The following ZC3H12B variants were observed in gnomAD, a reference collection of about 807,000 sequenced individuals.
The protein encoded by ZC3H12B is probable ribonuclease ZC3H12B.
A neutral mutation model predicts 43.9 loss-of-function variants in ZC3H12B; 7 were observed. The observed-to-expected ratio is 0.16, with a 90% CI of 0.09 to 0.30. The LOEUF (loss-of-function observed/expected upper bound fraction) is 0.30. Ranked by LOEUF, ZC3H12B falls within the 10% of genes least tolerant of loss-of-function variation. The pLI, the probability that ZC3H12B is intolerant of heterozygous loss-of-function variation, is 1.00. For missense variants in ZC3H12B, 475 were observed against 670.2 expected, an observed-to-expected ratio of 0.71 and a Z score of 3.22; for synonymous variants, 222 against 241.7, an observed-to-expected ratio of 0.92 and a Z score of 0.76.
the ZC3H12B span, among the ~76,000 whole-genome samples, chrX:65,040,491 GA>G: frequency 1.2e-3 from 131 of 109,683 alleles, no homozygotes; most frequent in African/African-American, 4.2e-3. Flanking sequence ...AGGGGTATGA[GA>G]AAAATGAGTC....
At chrX:65,228,156 C>T in the ZC3H12B span, among the ~76,000 whole-genome samples, 1 of 111,765 alleles carries the variant, frequency 8.9e-6, no homozygotes, top group South Asian at 3.7e-4. Context: ...CAAACCGAAT[C>T]CAGCAACACA....
the ZC3H12B span, among the ~76,000 whole-genome samples, chrX:65,164,339 G>A: frequency 9.0e-6 from 1 of 111,236 alleles, no homozygotes; most frequent in Non-Finnish European, 1.9e-5. Flanking sequence ...AATGGGCTGG[G>A]TGGTATCAGC....
the ZC3H12B span, among the ~76,000 whole-genome samples, chrX:65,295,869 C>T: frequency 9.0e-6 from 1 of 110,854 alleles, no homozygotes; most frequent in African/African-American, 3.3e-5. Flanking sequence ...AATAGAATCT[C>T]TTAACAGACC....
the ZC3H12B span, among the ~76,000 whole-genome samples, chrX:65,143,844 C>G: frequency 9.0e-6 from 1 of 110,881 alleles, no homozygotes; most frequent in African/African-American, 3.3e-5. Flanking sequence ...GCTGGGATTA[C>G]AAGCGTGAGC....
chrX:65,156,244 T>A, the ZC3H12B span, among the ~76,000 whole-genome samples: 9,092 of 110,581 alleles, frequency 0.082, 1,023 homozygotes, highest in African/African-American at 0.29. Flanking sequence ...CAGGCTGGAG[T>A]GGCTGAAGTG....
chrX:65,262,560 T>C, the ZC3H12B span, among the ~76,000 whole-genome samples: 1 of 111,505 alleles, frequency 9.0e-6, no homozygotes, highest in Non-Finnish European at 1.9e-5. Flanking sequence ...ATCTCCCTAC[T>C]ATAAAAACAA....
chrX:65,108,229 A>T, the ZC3H12B span, among the ~76,000 whole-genome samples: 1 of 111,140 alleles, frequency 9.0e-6, no homozygotes, highest in Admixed American at 9.6e-5. Context: ...TTATTTTTAA[A>T]TTTTTAATAA....
At chrX:65,435,644 G>GGATAGATAGATAGATAGATAGATA (rs34975614) in intron 3 of ZC3H12B, among the ~76,000 whole-genome samples, 1 of 94,364 alleles carries the variant, frequency 1.1e-5, no homozygotes. Flanking sequence ...AGAACCAATA[G>GGATAGATAGATAGATAGATAGATA]GATAGATAGA....
chrX:65,246,000 A>G, the ZC3H12B span, among the ~76,000 whole-genome samples: 3 of 112,119 alleles, frequency 2.7e-5, no homozygotes, highest in Non-Finnish European at 3.8e-5. Context: ...ACATGATTCT[A>G]TATTTAGAAA....
At chrX:65,347,452 A>G in the ZC3H12B span, among the ~76,000 whole-genome samples, 713 of 112,320 alleles carry the variant, frequency 6.3e-3, 8 homozygotes, top group African/African-American at 0.023. Flanking sequence ...TCTCAAAAGA[A>G]GACATTTATG....
chrX:65,044,394 G>A, the ZC3H12B span, among the ~76,000 whole-genome samples: 1 of 111,172 alleles, frequency 9.0e-6, no homozygotes, highest in Admixed American at 9.6e-5. Flanking sequence ...GGCCAGAGAT[G>A]TATTCAGAGG....
chrX:65,391,802 G>A (rs1042629218), intron 2 of ZC3H12B, among the ~76,000 whole-genome samples: 1 of 111,065 alleles, frequency 9.0e-6, no homozygotes, highest in African/African-American at 3.3e-5. Flanking sequence ...CACTTTCCAT[G>A]GTCTCCCTCT....
chrX:65,207,465 G>A, the ZC3H12B span, among the ~76,000 whole-genome samples: 109 of 110,662 alleles, frequency 9.8e-4, 1 homozygote, highest in Non-Finnish European at 2.5e-4. Context: ...TGATGACAAT[G>A]CACTTAAAGG....
At chrX:65,408,005 T>G in intron 3 of ZC3H12B, 2 of 1,067,789 alleles carry the variant, frequency 1.9e-6, no homozygotes, top group Non-Finnish European at 2.5e-6. Flanking sequence ...GGCTTAATTT[T>G]CCTCGGCGGG....
intron 3 of ZC3H12B, among the ~76,000 whole-genome samples, chrX:65,449,628 A>T (rs758378946): frequency 4.8e-4 from 52 of 108,804 alleles, no homozygotes; most frequent in African/African-American, 1.4e-3. Context: ...CAAAAGAATT[A>T]AAAAAAAAAT....
chrX:65,225,153 G>A, the ZC3H12B span, among the ~76,000 whole-genome samples: 1 of 111,335 alleles, frequency 9.0e-6, no homozygotes, highest in African/African-American at 3.3e-5. Flanking sequence ...CAACTCACAC[G>A]ACCAGGTACT....
intron 3 of ZC3H12B, among the ~76,000 whole-genome samples, chrX:65,439,039 T>C (rs2067267112): frequency 8.9e-6 from 1 of 112,394 alleles, no homozygotes; most frequent in Non-Finnish European, 1.9e-5. Flanking sequence ...CTGCAGACTA[T>C]ACAAAGACAA....
chrX:65,112,467 C>T, the ZC3H12B span, among the ~76,000 whole-genome samples: 28 of 112,034 alleles, frequency 2.5e-4, 1 homozygote, highest in African/African-American at 9.1e-4. Flanking sequence ...TTGGAAGGAG[C>T]TGCCATCTAG....
At chrX:65,051,839 A>T in the ZC3H12B span, among the ~76,000 whole-genome samples, 2 of 110,512 alleles carry the variant, frequency 1.8e-5, no homozygotes, top group Admixed American at 9.7e-5. Flanking sequence ...TTGACTGGGG[A>T]TGAAATCACA....
Sources: gnomAD v4.1 joint callset for allele counts (sites outside exome capture counted in the v4.1 genomes callset) on GRCh38, gnomAD v4.1.1 for gene constraint, MANE v1.5 for transcripts, NCBI Gene and HGNC (gene_info 2026-07-23, HGNC 2026-07-21) for gene names.